Variants in GFPT2 observed in about 807,000 individuals in gnomAD.
GFPT2 encodes glutamine--fructose-6-phosphate transaminase 2, also known as glutamine--fructose-6-phosphate aminotransferase [isomerizing] 2.
Under a neutral mutation model 85.6 loss-of-function variants are expected in GFPT2, and 62 were observed. The observed-to-expected ratio is 0.72, with a 90% confidence interval of 0.59 to 0.90. The LOEUF is 0.90. Among genes scored for constraint, GFPT2 ranks in the 40% least tolerant of loss-of-function variants. The pLI, the probability that GFPT2 is intolerant of heterozygous loss-of-function variation, is 0.00. For synonymous variants in GFPT2, 368 were observed against 344.5 expected, an observed-to-expected ratio of 1.07 and a Z score of -0.75; for missense variants, 788 against 893.4, an observed-to-expected ratio of 0.88 and a Z score of 1.50.
At chr5:180,346,169 C>T (rs1764604204) in intron 1 of GFPT2, among the ~76,000 whole-genome samples, 1 of 152,162 alleles carries the variant, frequency 6.6e-6, no homozygotes, top group African/African-American at 2.4e-5. Flanking sequence ...TGTGAAGAGA[C>T]TGTGGTTCCC....
At position 180,343,298 on chromosome 5, in the gene GFPT2, A is replaced by G. The variant is rs559693543; in HGVS notation, c.8-4698T>C. Among the ~76,000 whole-genome samples, 136 of 152,304 alleles carry G rather than the reference A, an allele frequency of 8.9e-4. 1 individual carries two copies. Among genetic ancestry groups the G allele is most frequent in the African/African-American group, 2.9e-3 (122 of 41,560 alleles). ...CACACGTCAGGCGAGAACGTTCGGC[A>G]CGCTCCGCAAGGCACCGCTGACTTT... On this transcript the variant is annotated intron_variant, in intron 1 of 18. Transcript: ENST00000253778.
At chr5:180,341,925 T>C (rs541548505) in intron 1 of GFPT2, among the ~76,000 whole-genome samples, 1 of 152,292 alleles carries the variant, frequency 6.6e-6, no homozygotes, top group East Asian at 1.9e-4. Context: ...TTTTTTGATA[T>C]GGTTTCGCTG....
At chr5:180,349,680 T>C (rs1274473011) in intron 1 of GFPT2, among the ~76,000 whole-genome samples, 1 of 151,936 alleles carries the variant, frequency 6.6e-6, no homozygotes, top group African/African-American at 2.4e-5. Flanking sequence ...CTGGGCCAAG[T>C]AAAACCGATT....
Position 180,316,418 on chromosome 5 carries a change from A to G in GFPT2, c.1196T>C (p.Val399Ala). The change falls in exon 13 of 19, where the codon GTT becomes GCT. Residue 399 changes from valine to alanine, a missense_variant. Val to Ala is a moderately conservative substitution (Grantham distance 64). Coordinates refer to ENST00000253778, the MANE Select transcript of GFPT2 (RefSeq NM_005110.4). ...GTCCAGAAAATCACTAGCAAGTTCA[A>G]CCATCACAGGAAGCTCAGTCAGTTC... ...LEELTELPVM[V>A]ELASDFLDRN... is the part of the protein sequence containing the mutation. The G allele has an allele frequency of 2.5e-6, 4 of 1,614,030 alleles. No homozygotes were observed. The highest frequency in any genetic ancestry group is 3.4e-6 in the Non-Finnish European group (4 of 1,179,886).
rs1373538690 is a variant in GFPT2, at chr5:180,323,178, C to A, written c.794+1010G>T. Among the ~76,000 whole-genome samples the A allele has an allele frequency of 6.6e-6, 1 of 152,146 alleles. No individual in the cohort carries two copies. ...TCTAATGGTACTATGCCAAAATCTACAATTCTCCGTGTTTTAGAATCACTG... is the reference window on the plus strand; with the variant it reads ...TCTAATGGTACTATGCCAAAATCTAAAATTCTCCGTGTTTTAGAATCACTG... On this transcript the variant is annotated intron_variant, in intron 9 of 18. Transcript: ENST00000253778. This position sits in a 1 kb window ranked among gnomAD's most constrained non-coding sequence, Gnocchi z 4.0.
intron 7 of GFPT2, among the ~76,000 whole-genome samples, chr5:180,325,788 G>A (rs967053554): frequency 1.3e-5 from 2 of 152,188 alleles, no homozygotes; most frequent in African/African-American, 2.4e-5. Flanking sequence ...GCACTTTGCG[G>A]GGCTGAAGCG....
intron 15 of GFPT2, 63 bp downstream of exon 15, chr5:180,312,367 A>G: frequency 1.1e-6 from 1 of 874,524 alleles, no homozygotes; most frequent in Non-Finnish European, 2.0e-6. Flanking sequence ...GAGAGTCAAC[A>G]GAGAATGGCC....
chr5:180,342,417 T>TG (rs1764535397), intron 1 of GFPT2, among the ~76,000 whole-genome samples: 1 of 149,088 alleles, frequency 6.7e-6, no homozygotes, highest in African/African-American at 2.5e-5. Flanking sequence ...GTTTTTTTTT[T>TG]TTTTTTTTTT....
Position 180,336,479 on chromosome 5 carries a change from T to C in GFPT2, c.214A>G (p.Lys72Glu). ...KVKALDEELY[K>E]QDSMDLKVEF... ...TCCCACTCAGAGGTCCTCCACTTAC[T>C]GTAAAGTTCTTCATCGAGAGCCTTG... The change falls in exon 3 of 19, where the codon AAA becomes GAA. Residue 72 changes from lysine to glutamate, a missense_variant and splice_region_variant. By Grantham distance (56) the Lys-to-Glu change is moderately conservative (BLOSUM62 1). Coordinates refer to ENST00000253778, the MANE Select transcript of GFPT2 (RefSeq NM_005110.4). The C allele has an allele frequency of 1.3e-6, 2 of 1,560,224 alleles. No individual in the cohort carries two copies. The highest frequency in any genetic ancestry group is 1.8e-6 in the Non-Finnish European group (2 of 1,130,796).
In GFPT2 at chr5:180,325,422, G is replaced by C. The variant is rs1224925166; in HGVS notation, c.597-527C>G. The stretch of plus-strand genomic sequence containing the variant: ...ACTTTTGTATATTCTCTACTTTGTA[G>C]GTGACATAAGGTGATTTCTTGGGTG... On this transcript the variant is annotated intron_variant, in intron 7 of 18. Transcript: ENST00000253778. Among the ~76,000 whole-genome samples, 6 of 152,194 alleles carry C rather than the reference G, an allele frequency of 3.9e-5. No homozygotes were observed. The East Asian group carries it at 1.2e-3, about 29-fold the overall frequency.
At chr5:180,302,955 CGTGGTG>C (rs1561870101) in intron 17 of GFPT2, among the ~76,000 whole-genome samples, 1 of 152,236 alleles carries the variant, frequency 6.6e-6, no homozygotes, top group Non-Finnish European at 1.5e-5. Flanking sequence ...CCAGGCCGGG[CGTGGTG>C]GCTCACGCCT....
At chr5:180,349,090 T>C (rs1764662444) in intron 1 of GFPT2, among the ~76,000 whole-genome samples, 1 of 151,692 alleles carries the variant, frequency 6.6e-6, no homozygotes, top group Non-Finnish European at 1.5e-5. Flanking sequence ...ATTCTTACAG[T>C]TTCACCAAAA....
intron 1 of GFPT2, chr5:180,352,480 C>A (rs1446988581): frequency 4.4e-6 from 2 of 451,962 alleles, no homozygotes; most frequent in African/African-American, 2.0e-5. Context: ...GCCCTCCCCA[C>A]GGTCCCGCAG....
chr5:180,336,561 C>T lies in GFPT2; in HGVS notation c.132G>A (p.Gly44=), dbSNP rs750346931. ...GTCTTTCTTTGACTTCGTGATTATT[C>T]CCATCGATCGCCACACCTGTGATGT... ...GYDSAGVAID[G]NNHEVKERHI... Residue 44 remains glycine (G), a synonymous_variant, in exon 3 of 19, where the codon GGG becomes GGA. Transcript: ENST00000253778. 1 of 1,607,910 alleles carries T rather than the reference C, an allele frequency of 6.2e-7. No homozygotes were observed. The highest frequency in any genetic ancestry group is 1.7e-5 in the Admixed American group (1 of 60,024).
At chr5:180,334,887 G>A (rs901114071) in intron 4 of GFPT2, among the ~76,000 whole-genome samples, 1 of 152,240 alleles carries the variant, frequency 6.6e-6, no homozygotes, top group Non-Finnish European at 1.5e-5. Flanking sequence ...GCGCCCTGGG[G>A]CTGACCACAG....
At chr5:180,321,581 T>C (rs1764120786) in intron 9 of GFPT2, among the ~76,000 whole-genome samples, 1 of 152,228 alleles carries the variant, frequency 6.6e-6, no homozygotes, top group African/African-American at 2.4e-5. Flanking sequence ...GGTGAGGCTC[T>C]CATACCGTGC....
At chr5:180,308,009 C>T (rs903181471) in intron 15 of GFPT2, among the ~76,000 whole-genome samples, 1 of 152,232 alleles carries the variant, frequency 6.6e-6, no homozygotes, top group Admixed American at 6.5e-5. Context: ...GTAATCCCAG[C>T]ACTTTGGAAG....
intron 1 of GFPT2, among the ~76,000 whole-genome samples, chr5:180,344,477 GA>G (rs1161042380): frequency 1.3e-5 from 2 of 152,198 alleles, no homozygotes; most frequent in Non-Finnish European, 2.9e-5. Context: ...TCCACAGGGG[GA>G]TGTCCTAGCC....
intron 14 of GFPT2, among the ~76,000 whole-genome samples, chr5:180,312,859 C>T (rs1763921078): frequency 6.6e-6 from 1 of 152,172 alleles, no homozygotes; most frequent in South Asian, 2.1e-4. Context: ...TCACTGCAAC[C>T]TCCACCTACC....
Sources: gnomAD v4.1 joint callset for allele counts (sites outside exome capture counted in the v4.1 genomes callset) on GRCh38, gnomAD v4.1.1 for gene constraint, Gnocchi (gnomAD v3.1) non-coding constraint, MANE v1.5 for transcripts, NCBI Gene and HGNC (gene_info 2026-07-23, HGNC 2026-07-21) for gene names.